The following AGBL4 variants were observed in gnomAD, a reference collection of about 807,000 sequenced individuals.
AGBL4 encodes cytosolic carboxypeptidase 6.
Under a neutral mutation model 66.4 loss-of-function variants are expected in AGBL4, and 58 were observed. The ratio of observed to expected loss-of-function variants is 0.87; its 90% CI spans 0.71 to 1.09. AGBL4 has a LOEUF of 1.09. Among genes scored for constraint, AGBL4 ranks in the 50% least tolerant of loss-of-function variants. AGBL4 has a pLI of 0.00. For synonymous variants in AGBL4, 234 were observed against 222.9 expected (o/e 1.05, Z -0.44); for missense variants, 579 against 631.0 (o/e 0.92, Z 0.88).
intron 6 of AGBL4, among the ~76,000 whole-genome samples, chr1:48,755,259 C>T (rs1046826943): frequency 1.3e-5 from 2 of 152,152 alleles, no homozygotes; most frequent in South Asian, 2.1e-4. Context: ...AAAGACCAGG[C>T]GGCTGCTCTC....
chr1:48,609,817 C>T (rs1052322548), intron 9 of AGBL4, among the ~76,000 whole-genome samples: 1 of 152,204 alleles, frequency 6.6e-6, no homozygotes, highest in African/African-American at 2.4e-5. Flanking sequence ...TCCTATTTAT[C>T]CTTTAAGACT....
chr1:49,699,827 T>C (rs537765337), intron 2 of AGBL4, among the ~76,000 whole-genome samples: 1 of 151,966 alleles, frequency 6.6e-6, no homozygotes, highest in South Asian at 2.1e-4. Context: ...ATGTACAGCA[T>C]GAGGATTATA....
intron 5 of AGBL4, among the ~76,000 whole-genome samples, chr1:49,040,567 G>C (rs192452172): frequency 2.0e-5 from 3 of 151,994 alleles, no homozygotes; most frequent in Admixed American, 6.6e-5. Flanking sequence ...CCTTGAACTG[G>C]AGAATAGGTA....
intron 5 of AGBL4, among the ~76,000 whole-genome samples, chr1:48,985,536 T>C (rs1364684457): frequency 6.6e-6 from 1 of 152,014 alleles, no homozygotes; most frequent in Non-Finnish European, 1.5e-5. Flanking sequence ...GGGCACTGGG[T>C]AGAGTACTCA....
At chr1:49,731,799 G>T (rs191034918) in intron 2 of AGBL4, among the ~76,000 whole-genome samples, 1 of 152,226 alleles carries the variant, frequency 6.6e-6, no homozygotes, top group Non-Finnish European at 1.5e-5. Context: ...CAATTGAAGA[G>T]ATAGGCAAAT....
chr1:49,229,013 A>G (rs1278788855), intron 4 of AGBL4, among the ~76,000 whole-genome samples: 1 of 152,010 alleles, frequency 6.6e-6, no homozygotes, highest in Non-Finnish European at 1.5e-5. Flanking sequence ...ATTGCTCATT[A>G]TTTTCCAAAC....
chr1:50,011,918 G>A (rs1438635785), intron 1 of AGBL4, among the ~76,000 whole-genome samples: 1 of 152,154 alleles, frequency 6.6e-6, no homozygotes, highest in Non-Finnish European at 1.5e-5. Context: ...CCAGCACTTT[G>A]GGAGGCCGAG....
intron 2 of AGBL4, among the ~76,000 whole-genome samples, chr1:49,783,454 G>T (rs1007002073): frequency 1.4e-4 from 21 of 152,038 alleles, no homozygotes; most frequent in African/African-American, 5.1e-4. Context: ...AAAAGTATCC[G>T]TCAAAATCAA....
rs1380088277 is a variant in AGBL4, at chr1:49,328,478, C to T, written c.283-82614G>A. Among the ~76,000 whole-genome samples the T allele has an allele frequency of 2.0e-5, 3 of 152,298 alleles. No homozygotes were observed. The East Asian group carries it at 5.8e-4, about 29-fold the overall frequency. On this transcript the variant is annotated intron_variant, in intron 3 of 13. Coordinates refer to ENST00000371839, the MANE Select transcript of AGBL4 (RefSeq NM_032785.4). ...AACTGCACTGAGCTAACATGCCATA[C>T]ACTTTTATTAATGGGGTCTAGTCCT...
intron 1 of AGBL4, among the ~76,000 whole-genome samples, chr1:49,940,657 C>T (rs1361484307): frequency 6.6e-6 from 1 of 151,524 alleles, no homozygotes; most frequent in Admixed American, 6.6e-5. Context: ...ACAATGAGAA[C>T]ACATGGACAC....
intron 5 of AGBL4, among the ~76,000 whole-genome samples, chr1:48,886,675 C>T (rs1650382021): frequency 6.6e-6 from 1 of 152,118 alleles, no homozygotes; most frequent in South Asian, 2.1e-4. Context: ...GCCCCAGCCT[C>T]CCGAGTAGCT....
intron 3 of AGBL4, among the ~76,000 whole-genome samples, chr1:49,562,258 T>G (rs1644068562): frequency 6.6e-6 from 1 of 152,190 alleles, no homozygotes; most frequent in African/African-American, 2.4e-5. Context: ...TTCTGTAGGT[T>G]GCCTGTTCAC....
At chr1:49,417,778 G>C (rs1645459471) in intron 3 of AGBL4, among the ~76,000 whole-genome samples, 1 of 151,986 alleles carries the variant, frequency 6.6e-6, no homozygotes, top group African/African-American at 2.4e-5. Flanking sequence ...TTTTTTATTT[G>C]ACATGCAATC....
chr1:49,975,984 G>T (rs527729404), intron 1 of AGBL4, among the ~76,000 whole-genome samples: 1 of 152,234 alleles, frequency 6.6e-6, no homozygotes, highest in South Asian at 2.1e-4. Flanking sequence ...GCATTGAAAG[G>T]CAGGGTAAGG....
At chr1:49,137,434 C>T (rs548514422) in intron 4 of AGBL4, among the ~76,000 whole-genome samples, 2 of 152,258 alleles carry the variant, frequency 1.3e-5, no homozygotes, top group Admixed American at 1.3e-4. Context: ...ATTTAAATAG[C>T]TGGTGTAATC....
At chr1:49,510,277 A>G (rs1389344539) in intron 3 of AGBL4, among the ~76,000 whole-genome samples, 5 of 151,914 alleles carry the variant, frequency 3.3e-5, no homozygotes, top group African/African-American at 1.2e-4. Flanking sequence ...TTGCCATTCT[A>G]ACTGGTGTGA....
intron 3 of AGBL4, among the ~76,000 whole-genome samples, chr1:49,646,426 T>A (rs966148947): frequency 6.6e-6 from 1 of 151,856 alleles, no homozygotes; most frequent in Non-Finnish European, 1.5e-5. Flanking sequence ...ATTTAAAAAA[T>A]GCCTATTACA....
intron 5 of AGBL4, among the ~76,000 whole-genome samples, chr1:49,010,748 T>G (rs984189353): frequency 8.6e-5 from 13 of 151,496 alleles, no homozygotes; most frequent in African/African-American, 3.2e-4. Context: ...TATCTGATCT[T>G]TGACAAACCT....
intron 5 of AGBL4, among the ~76,000 whole-genome samples, chr1:48,969,729 G>GAAT (rs1658753201): frequency 6.6e-6 from 1 of 151,986 alleles, no homozygotes; most frequent in East Asian, 1.9e-4. Context: ...TCATTAGCCA[G>GAAT]AATGATAACT....
Sources: allele counts gnomAD v4.1 joint callset (sites outside exome capture counted in the v4.1 genomes callset), GRCh38; gene constraint gnomAD v4.1.1; transcripts MANE v1.5; gene names NCBI Gene and HGNC (gene_info 2026-07-23, HGNC 2026-07-21).